AKAP10: variants seen among roughly 807,000 people sequenced by gnomAD.
AKAP10 encodes A-kinase anchoring protein 10.
A neutral mutation model predicts 80.8 loss-of-function variants in AKAP10; 24 were observed. The ratio of observed to expected loss-of-function variants is 0.30; its 90% confidence interval spans 0.22 to 0.42. AKAP10 has a LOEUF of 0.42. AKAP10 is among the 10% of genes least tolerant of loss of function. The pLI, the probability that AKAP10 is intolerant of heterozygous loss-of-function variation, is 1.00. For missense variants in AKAP10, 661 were observed against 794.9 expected, an observed-to-expected ratio of 0.83 and a Z score of 2.03; for synonymous variants, 291 against 277.7, an observed-to-expected ratio of 1.05 and a Z score of -0.48.
At chr17:19,956,974 A>C (rs1411597896) in intron 4 of AKAP10, among the ~76,000 whole-genome samples, 1 of 152,166 alleles carries the variant, frequency 6.6e-6, no homozygotes, top group Non-Finnish European at 1.5e-5. Context: ...TCAGTAGCAG[A>C]TTAGACCTCA....
chr17:19,970,846 A>AATAC (rs532777559), intron 1 of AKAP10, among the ~76,000 whole-genome samples: 410 of 152,140 alleles, frequency 2.7e-3, no homozygotes, highest in Middle Eastern at 0.02. Context: ...TAAATAAATA[A>AATAC]ATAAAGACAT....
intron 12 of AKAP10, among the ~76,000 whole-genome samples, chr17:19,919,214 A>T (rs2042784074): frequency 6.6e-6 from 1 of 152,004 alleles, no homozygotes; most frequent in South Asian, 2.1e-4. Flanking sequence ...GCTCAGAATG[A>T]TGGTTTCCAG....
chr17:19,909,389 T>C lies in AKAP10; in HGVS notation c.1888-113A>G, dbSNP rs1418686629. The C allele has an allele frequency of 1.4e-5, 13 of 947,404 alleles. 1 individual carries two copies. 58.7% of individuals were successfully genotyped at this position (947,404 alleles called of 1,614,324 possible). ...CGCACATAATTTCTACTTATTTGGA[T>C]AAGAATTTCATTCCCATGTACGAAA... On this transcript the variant is annotated intron_variant, in intron 13 of 14. Coordinates refer to ENST00000225737, the MANE Select transcript of AKAP10 (RefSeq NM_007202.4).
At chr17:19,914,628 C>CAAAAA (rs36071856) in intron 12 of AKAP10, among the ~76,000 whole-genome samples, 1 of 58,502 alleles carries the variant, frequency 1.7e-5, no homozygotes, top group African/African-American at 6.1e-5. Context: ...GACCCTATCT[C>CAAAAA]AAAAAAAAAA....
At chr17:19,953,078 TAATGA>T (rs1284232916) in intron 4 of AKAP10, among the ~76,000 whole-genome samples, 1 of 152,062 alleles carries the variant, frequency 6.6e-6, no homozygotes, top group Non-Finnish European at 1.5e-5. Context: ...GACCATAATA[TAATGA>T]AATGAGAAAT....
intron 3 of AKAP10, among the ~76,000 whole-genome samples, 184 bp from the exon 4 acceptor site, chr17:19,958,755 T>C (rs535525973): frequency 6.6e-6 from 1 of 151,786 alleles, no homozygotes; most frequent in African/African-American, 2.4e-5. Context: ...AGTACAATCG[T>C]CCAAAACTTG....
rs1355342484 is a variant in AKAP10 at position 19,968,398 on chromosome 17, C to G, written c.136+16G>C. On this transcript the variant is annotated intron_variant, in intron 2 of 14. Transcript: ENST00000225737. ...ATCACTTTTTAATGCAGTGGACTGC[C>G]AAGGGCAGAACTTACCTTTAATGGA... 3.7e-6 allele frequency: 6 copies of G among 1,610,544 alleles called. No homozygotes were observed. Among genetic ancestry groups the G allele is most frequent in the Non-Finnish European group, 5.1e-6 (6 of 1,177,416 alleles).
chr17:19,971,604 G>A (rs1215249545), intron 1 of AKAP10, among the ~76,000 whole-genome samples: 2 of 151,860 alleles, frequency 1.3e-5, no homozygotes, highest in Non-Finnish European at 2.9e-5. Context: ...ACCAGTTCTA[G>A]TTCATTCACG....
chr17:19,910,106 T>G, intron 12 of AKAP10, 128 bp from the exon 13 acceptor site: 2 of 769,182 alleles, frequency 2.6e-6, no homozygotes, highest in South Asian at 3.3e-5. Flanking sequence ...GGTGGGTGAT[T>G]CACCTGAGGT....
chr17:19,913,386 T>C (rs902224300), intron 12 of AKAP10, among the ~76,000 whole-genome samples: 2 of 152,126 alleles, frequency 1.3e-5, no homozygotes, highest in African/African-American at 4.8e-5. Flanking sequence ...ACTCCTGACC[T>C]CGTGATCTGC....
chr17:19,976,452 A>C (rs2043568137), intron 1 of AKAP10, among the ~76,000 whole-genome samples: 1 of 151,430 alleles, frequency 6.6e-6, no homozygotes, highest in African/African-American at 2.4e-5. Context: ...GCGCCATTGC[A>C]CTCGAGCCTG....
chr17:19,908,872 T>C (rs1484447452), intron 14 of AKAP10, among the ~76,000 whole-genome samples: 1 of 152,018 alleles, frequency 6.6e-6, no homozygotes, highest in Admixed American at 6.5e-5. Context: ...TCACCCGCCT[T>C]GGCCTCCCAA....
chr17:19,972,414 T>C (rs1310674800), intron 1 of AKAP10, among the ~76,000 whole-genome samples: 1 of 152,202 alleles, frequency 6.6e-6, no homozygotes. Flanking sequence ...AGAAGTATCT[T>C]AGGTATACTT....
chr17:19,932,484 T>C lies in AKAP10; in HGVS notation c.1468-506A>G, dbSNP rs1384827482. Among the ~76,000 whole-genome samples the C allele has an allele frequency of 3.3e-5, 5 of 151,452 alleles. No individual in the cohort carries two copies. In the East Asian group the frequency reaches 9.6e-4, roughly 29 times the overall value. On this transcript the variant is annotated intron_variant, in intron 9 of 14. Transcript: ENST00000225737. ...AAAAAAAAAAAAATTACAATGCATG[T>C]AATTTTGTTGGGTTTTCTCCCCCAA...
chr17:19,951,704 G>C (rs1295784439), intron 4 of AKAP10, among the ~76,000 whole-genome samples: 1 of 152,074 alleles, frequency 6.6e-6, no homozygotes, highest in African/African-American at 2.4e-5. Context: ...CAGCATGCTC[G>C]TTAAGAGTCA....
Position 19,946,105 on chromosome 17 carries a change from G to GTATATATA in AKAP10, c.976+1294_976+1301dup, listed in dbSNP as rs56812794. 2.5e-3 allele frequency among the ~76,000 whole-genome samples: 317 copies of GTATATATA among 128,808 alleles called. 12 individuals are homozygous for GTATATATA. In the East Asian group the frequency reaches 0.065, roughly 27 times the overall value. The allele number at this position is 128,808 out of a possible 152,430, so 84.5% of individuals were successfully genotyped here. A position where few individuals can be genotyped will look rare whatever the true frequency, so the allele number is the denominator to read the frequency against. ...GAGATACTTTGATTTTTTTATTCTA[G>GTATATATA]TATATATATATATACACACACTAAT... On this transcript the variant is annotated intron_variant, in intron 5 of 14. Transcript: ENST00000225737.
chr17:19,972,222 AG>A (rs2043506789), intron 1 of AKAP10, among the ~76,000 whole-genome samples: 1 of 152,130 alleles, frequency 6.6e-6, no homozygotes, highest in Non-Finnish European at 1.5e-5. Context: ...CCAACTTACT[AG>A]TTTTGAAATG....
Position 19,936,372 on chromosome 17 carries a change from T to C in AKAP10, c.1381A>G (p.Ile461Val). The change falls in exon 9 of 15, where the codon ATT becomes GTT. Residue 461 changes from isoleucine (I) to valine (V), a missense_variant. By Grantham distance (29) the Ile-to-Val change is conservative. Coordinates refer to ENST00000225737, the MANE Select transcript of AKAP10 (RefSeq NM_007202.4). ...LGFDDVVRLE[I>V]ESNICREGGP... is the part of the protein sequence containing the mutation. Reference sequence around the variant, plus strand: ...CCTTCCCTGCAGATATTGGATTCAATTTCTAATCGTACAACATCATCAAAT... The same window carrying C: ...CCTTCCCTGCAGATATTGGATTCAACTTCTAATCGTACAACATCATCAAAT... 6.2e-7 allele frequency: 1 copy of C among 1,613,776 alleles called. No individual in the cohort carries two copies. The highest frequency in any genetic ancestry group is 8.5e-7 in the Non-Finnish European group (1 of 1,179,736).
At chr17:19,937,705 T>A (rs2043007256) in intron 8 of AKAP10, among the ~76,000 whole-genome samples, 2 of 152,158 alleles carry the variant, frequency 1.3e-5, no homozygotes, top group Non-Finnish European at 2.9e-5. Flanking sequence ...CGTAATACCT[T>A]CTACAAACAT....
Sources: allele counts gnomAD v4.1 joint callset (sites outside exome capture counted in the v4.1 genomes callset), GRCh38; gene constraint gnomAD v4.1.1; transcripts MANE v1.5; gene names NCBI Gene and HGNC (gene_info 2026-07-23, HGNC 2026-07-21).